The following PACS1 variants were observed in gnomAD, a reference collection of about 807,000 sequenced individuals.
PACS1 encodes PACS-1.
In PACS1, 24 loss-of-function variants were observed where a neutral mutation model predicts 115.0. The observed-to-expected ratio is 0.21, with a 90% CI of 0.15 to 0.29. The LOEUF (loss-of-function observed/expected upper bound fraction) is 0.29, where lower values mean the gene tolerates loss of function less well. Among genes scored for constraint, PACS1 ranks in the 10% least tolerant of loss-of-function variants. The pLI is 1.00. For synonymous variants in PACS1, 453 were observed against 504.5 expected (o/e 0.90, Z 1.37); for missense variants, 838 against 1,251.2 (o/e 0.67, Z 4.98).
intron 1 of PACS1, among the ~76,000 whole-genome samples, chr11:66,176,410 T>C (rs1467908055): frequency 1.0e-5 from 1 of 96,148 alleles, no homozygotes; most frequent in Non-Finnish European, 2.0e-5. Context: ...CAGCATAAGA[T>C]CCAGATTTTT....
At chr11:66,085,336 A>C (rs1590733223) in intron 1 of PACS1, among the ~76,000 whole-genome samples, 2 of 152,286 alleles carry the variant, frequency 1.3e-5, no homozygotes, top group Middle Eastern at 6.8e-3. Context: ...TATTTTTGAA[A>C]GAGAACAGAA....
At chr11:66,147,823 G>A (rs750216468) in intron 1 of PACS1, among the ~76,000 whole-genome samples, 6 of 152,018 alleles carry the variant, frequency 3.9e-5, no homozygotes, top group Non-Finnish European at 7.4e-5. Context: ...AGAAATAATT[G>A]TGATATAAAA....
chr11:66,169,391 T>C (rs1236226827), intron 1 of PACS1, among the ~76,000 whole-genome samples: 1 of 146,500 alleles, frequency 6.8e-6, no homozygotes, highest in Non-Finnish European at 1.5e-5. Flanking sequence ...AATCTAAATC[T>C]AACTGGTTCA....
chr11:66,173,454 T>A (rs1209582327), intron 1 of PACS1, among the ~76,000 whole-genome samples: 1 of 152,162 alleles, frequency 6.6e-6, no homozygotes, highest in Admixed American at 6.5e-5. Context: ...ACGCCTGTAA[T>A]CCTAGCACTT....
intron 1 of PACS1, among the ~76,000 whole-genome samples, chr11:66,088,740 C>T (rs1857612627): frequency 6.6e-6 from 1 of 152,096 alleles, no homozygotes; most frequent in Admixed American, 6.6e-5. Flanking sequence ...TTTGTGTTTC[C>T]TTAGGAATTT....
chr11:66,166,033 T>C (rs1303607080), intron 1 of PACS1, among the ~76,000 whole-genome samples: 1 of 152,186 alleles, frequency 6.6e-6, no homozygotes, highest in African/African-American at 2.4e-5. Context: ...CACAAATCAT[T>C]TTCTATCACC....
chr11:66,071,304 C>T (rs1265900989), intron 1 of PACS1, among the ~76,000 whole-genome samples: 1 of 152,206 alleles, frequency 6.6e-6, no homozygotes, highest in Middle Eastern at 3.2e-3. Context: ...CTAGGGGCTT[C>T]TCATTAGCCT....
chr11:66,128,700 A>G (rs1285761871), intron 1 of PACS1, among the ~76,000 whole-genome samples: 1 of 152,094 alleles, frequency 6.6e-6, no homozygotes, highest in Non-Finnish European at 1.5e-5. Context: ...CCTGGCCAAC[A>G]TGGGGAAACC....
At position 66,092,047 on chromosome 11, in the gene PACS1, T is replaced by TG. The variant is rs532347009; in HGVS notation, c.356+21207dup. Among the ~76,000 whole-genome samples the TG allele has an allele frequency of 3.3e-5, 5 of 152,280 alleles. No homozygotes were observed. In the South Asian group the frequency reaches 1.0e-3, roughly 32 times the overall value. On this transcript the variant is annotated intron_variant, in intron 1 of 23. Coordinates refer to ENST00000320580, the MANE Select transcript of PACS1 (RefSeq NM_018026.4). ...TTTGGGTGTATACCCAGTAATGGGA[T>TG]GGCTGGGTCAAATGGTATTTCTAGT... is the stretch of plus-strand genomic sequence containing the variant.
At chr11:66,103,785 A>G (rs1857973699) in intron 1 of PACS1, among the ~76,000 whole-genome samples, 1 of 152,092 alleles carries the variant, frequency 6.6e-6, no homozygotes, top group Admixed American at 6.6e-5. Flanking sequence ...AAGTGCTGGG[A>G]TTACAGGCAT....
intron 1 of PACS1, among the ~76,000 whole-genome samples, chr11:66,123,296 A>T (rs1001852803): frequency 1.3e-5 from 2 of 151,486 alleles, no homozygotes; most frequent in African/African-American, 4.9e-5. Flanking sequence ...GGTTCAAGCA[A>T]TTCTCCTGTC....
chr11:66,124,980 C>G (rs1331625744), intron 1 of PACS1, among the ~76,000 whole-genome samples: 1 of 152,194 alleles, frequency 6.6e-6, no homozygotes, highest in Non-Finnish European at 1.5e-5. Flanking sequence ...AGGGAGACAC[C>G]AGAACATCCC....
At chr11:66,111,629 C>T (rs529380867) in intron 1 of PACS1, among the ~76,000 whole-genome samples, 45 of 152,216 alleles carry the variant, frequency 3.0e-4, no homozygotes, top group African/African-American at 1.1e-3. Flanking sequence ...TAGGAATTAT[C>T]CCAGATTATT....
intron 1 of PACS1, among the ~76,000 whole-genome samples, chr11:66,177,750 A>G (rs1275393955): frequency 6.6e-6 from 1 of 152,004 alleles, no homozygotes; most frequent in Non-Finnish European, 1.5e-5. Flanking sequence ...AGCTGGGCCC[A>G]CAGCTCTCAC....
intron 1 of PACS1, among the ~76,000 whole-genome samples, chr11:66,182,439 C>T (rs1036328023): frequency 6.6e-6 from 1 of 151,792 alleles, no homozygotes; most frequent in Non-Finnish European, 1.5e-5. Flanking sequence ...CCCATTCAAA[C>T]ATTTTCGGGA....
At chr11:66,221,763 GTTGTTCCTTTTGGTCTGTT>G (rs1356639711) in intron 10 of PACS1, 2 of 155,514 alleles carry the variant, frequency 1.3e-5, no homozygotes, top group African/African-American at 4.8e-5. Context: ...GTCAGGCTGG[GTTGTTCCTTTTGGTCTGTT>G]TCTGCCATGG....
chr11:66,206,475 G>A (rs987719854), intron 2 of PACS1, among the ~76,000 whole-genome samples: 7 of 152,094 alleles, frequency 4.6e-5, no homozygotes, highest in Admixed American at 3.3e-4. Flanking sequence ...GCCTGGCTGC[G>A]ATCCCGTGAC....
intron 1 of PACS1, among the ~76,000 whole-genome samples, chr11:66,173,802 C>T (rs988998983): frequency 6.6e-6 from 1 of 151,846 alleles, no homozygotes; most frequent in Admixed American, 6.6e-5. Flanking sequence ...CCTGTAATCC[C>T]AGCACTTTGG....
chr11:66,089,765 A>C (rs1344141705), intron 1 of PACS1, among the ~76,000 whole-genome samples: 1 of 152,018 alleles, frequency 6.6e-6, no homozygotes, highest in African/African-American at 2.4e-5. Flanking sequence ...CCAGCACTTT[A>C]GGATGCCAAG....
Sources: gnomAD v4.1 joint callset for allele counts (sites outside exome capture counted in the v4.1 genomes callset) on GRCh38, gnomAD v4.1.1 for gene constraint, MANE v1.5 for transcripts, NCBI Gene and HGNC (gene_info 2026-07-23, HGNC 2026-07-21) for gene names.